Variants in MME observed in about 807,000 individuals in gnomAD.
MME encodes the protein membrane metalloendopeptidase, also known as neprilysin.
A neutral mutation model predicts 113.2 loss-of-function variants in MME; 98 were observed. That is an observed-to-expected ratio of 0.87 (90% CI 0.74 to 1.02). The LOEUF is 1.02. Among genes scored for constraint, MME ranks in the 50% least tolerant of loss-of-function variants. The probability of loss-of-function intolerance (pLI) is 0.00; values close to 1 mark genes in which losing one functional copy is unlikely to be tolerated. For synonymous variants in MME, 292 were observed against 300.6 expected (o/e 0.97, Z 0.30); for missense variants, 836 against 896.0 (o/e 0.93, Z 0.86).
chr3:155,073,943 A>G (rs1292674393), intron 1 of MME, among the ~76,000 whole-genome samples: 3 of 152,010 alleles, frequency 2.0e-5, no homozygotes, highest in African/African-American at 7.3e-5. Flanking sequence ...TTTGTAGATT[A>G]CTTTGGTTTT....
At chr3:155,115,618 G>A (rs552097566) in intron 4 of MME, among the ~76,000 whole-genome samples, 1 of 152,072 alleles carries the variant, frequency 6.6e-6, no homozygotes, top group Non-Finnish European at 1.5e-5. Flanking sequence ...TAGTAGGGAC[G>A]GGGTTTCACC....
At chr3:155,150,114 A>C (rs1237239521) in intron 16 of MME, among the ~76,000 whole-genome samples, 1 of 152,222 alleles carries the variant, frequency 6.6e-6, no homozygotes, top group Non-Finnish European at 1.5e-5. Flanking sequence ...AAGATTTAAT[A>C]ATTGTTAGCA....
At chr3:155,049,279 C>T (rs1167849040) in intron 1 of MME, among the ~76,000 whole-genome samples, 4 of 151,992 alleles carry the variant, frequency 2.6e-5, no homozygotes, top group Non-Finnish European at 5.9e-5. Context: ...CACCCCATGT[C>T]CCAAGAGAGT....
chr3:155,109,049 C>T (rs1717942561), intron 3 of MME, among the ~76,000 whole-genome samples: 1 of 152,140 alleles, frequency 6.6e-6, no homozygotes, highest in Non-Finnish European at 1.5e-5. Flanking sequence ...TGCTGTGCCT[C>T]AAGTTTCTTC....
chr3:155,093,613 T>G (rs1243152537), intron 3 of MME, among the ~76,000 whole-genome samples: 5 of 152,056 alleles, frequency 3.3e-5, no homozygotes, highest in African/African-American at 1.2e-4. Context: ...ATCCCAGCAC[T>G]TTGGGAGGCC....
chr3:155,048,797 C>G (rs914978453), intron 1 of MME, among the ~76,000 whole-genome samples: 4 of 152,012 alleles, frequency 2.6e-5, no homozygotes, highest in Non-Finnish European at 5.9e-5. Context: ...ATATTTTTCT[C>G]TATTCTAGTG....
At chr3:155,083,293 T>C (rs1046078930) in intron 1 of MME, among the ~76,000 whole-genome samples, 1 of 152,322 alleles carries the variant, frequency 6.6e-6, no homozygotes, top group Middle Eastern at 3.4e-3. Flanking sequence ...TTCTTTATTC[T>C]ATTCTGTGGC....
intron 10 of MME, among the ~76,000 whole-genome samples, chr3:155,141,683 A>T (rs1002578430): frequency 9.2e-5 from 14 of 152,278 alleles, no homozygotes; most frequent in Non-Finnish European, 1.9e-4. Context: ...CTTTATTTTT[A>T]AATTTAAATT....
intron 1 of MME, among the ~76,000 whole-genome samples, chr3:155,071,700 T>G (rs941456306): frequency 2.6e-5 from 4 of 152,166 alleles, no homozygotes; most frequent in African/African-American, 4.8e-5. Context: ...ATGTTCCCTA[T>G]CTCAATGAAG....
At chr3:155,028,750 C>G (rs1218482552) in intron 1 of MME, among the ~76,000 whole-genome samples, 1 of 152,198 alleles carries the variant, frequency 6.6e-6, no homozygotes, top group East Asian at 1.9e-4. Context: ...AAATGTCAAC[C>G]TAAAGTAATC....
chr3:155,084,056 A>G, intron 1 of MME, 102 bp from the exon 2 acceptor site: 1 of 1,096,340 alleles, frequency 9.1e-7, no homozygotes, highest in Non-Finnish European at 1.3e-6. Flanking sequence ...TTTCTATTTT[A>G]AAATAACTGA....
At chr3:155,027,896 C>A (rs1221772234) in intron 1 of MME, among the ~76,000 whole-genome samples, 1 of 152,154 alleles carries the variant, frequency 6.6e-6, no homozygotes, top group Non-Finnish European at 1.5e-5. Flanking sequence ...TGAAATAAAT[C>A]TTTTACCTCA....
At chr3:155,065,263 T>C (rs560214760) in intron 1 of MME, among the ~76,000 whole-genome samples, 10 of 152,316 alleles carry the variant, frequency 6.6e-5, no homozygotes, top group Admixed American at 3.3e-4. Flanking sequence ...AAGGCACATA[T>C]AGCTGTAGCT....
At chr3:155,089,392 A>C (rs188506166) in intron 3 of MME, among the ~76,000 whole-genome samples, 3 of 152,264 alleles carry the variant, frequency 2.0e-5, no homozygotes, top group Admixed American at 2.0e-4. Flanking sequence ...CAACTCAATC[A>C]CTATTGATAT....
At chr3:155,044,509 G>A (rs1713478850) in intron 1 of MME, among the ~76,000 whole-genome samples, 1 of 151,790 alleles carries the variant, frequency 6.6e-6, no homozygotes, top group African/African-American at 2.4e-5. Flanking sequence ...TATTATTATT[G>A]CTTTTTTAAA....
At chr3:155,122,123 A>G (rs1356341779) in intron 8 of MME, among the ~76,000 whole-genome samples, 1 of 136,180 alleles carries the variant, frequency 7.3e-6, no homozygotes, top group African/African-American at 2.8e-5. Flanking sequence ...CAGAGATTCA[A>G]CTTCTTCCTG....
At chr3:155,090,556 A>G (rs1421129693) in intron 3 of MME, 1 of 152,252 alleles carries the variant, frequency 6.6e-6, no homozygotes, top group Non-Finnish European at 1.5e-5. Context: ...TAAGTAAAAT[A>G]GGGTTACTTG....
intron 3 of MME, among the ~76,000 whole-genome samples, chr3:155,108,473 G>C (rs1220659568): frequency 1.3e-5 from 2 of 151,988 alleles, no homozygotes; most frequent in Non-Finnish European, 2.9e-5. Flanking sequence ...GCGGGTGCCT[G>C]TAATCCCAGC....
intron 22 of MME, among the ~76,000 whole-genome samples, 161 bp downstream of exon 22, chr3:155,172,773 G>A (rs562869385): frequency 6.6e-6 from 1 of 150,870 alleles, no homozygotes; most frequent in East Asian, 1.9e-4. Flanking sequence ...ACACATCGGA[G>A]CATTCTACAT....
Sources: gnomAD v4.1 joint callset for allele counts (sites outside exome capture counted in the v4.1 genomes callset) on GRCh38, gnomAD v4.1.1 for gene constraint, MANE v1.5 for transcripts, NCBI Gene and HGNC (gene_info 2026-07-23, HGNC 2026-07-21) for gene names.